Variants in IMPG1 observed in about 807,000 individuals in gnomAD.
The protein encoded by IMPG1 is interphotoreceptor matrix proteoglycan 1.
In IMPG1, 85 loss-of-function variants were observed where a neutral mutation model predicts 92.0. That is an observed-to-expected ratio of 0.92 (90% CI 0.78 to 1.11). The LOEUF is 1.11. IMPG1 is among the 50% of genes least tolerant of loss of function. The pLI, the probability that IMPG1 is intolerant of heterozygous loss-of-function variation, is 0.00. For synonymous variants in IMPG1, 367 were observed against 334.1 expected (o/e 1.10, Z -1.08); for missense variants, 1,022 against 956.0 (o/e 1.07, Z -0.91).
chr6:76,030,286 G>T (rs1323950708), intron 4 of IMPG1, among the ~76,000 whole-genome samples: 4 of 152,008 alleles, frequency 2.6e-5, no homozygotes, highest in African/African-American at 9.7e-5. Context: ...GGGATTCGGG[G>T]ATGCAAGGAT....
At chr6:76,018,002 C>A (rs1273922628) in intron 7 of IMPG1, among the ~76,000 whole-genome samples, 1 of 152,162 alleles carries the variant, frequency 6.6e-6, no homozygotes, top group African/African-American at 2.4e-5. Flanking sequence ...CTCAGCCTCC[C>A]AAAGTGCTAG....
chr6:75,940,635 A>G (rs1781823960), intron 14 of IMPG1, among the ~76,000 whole-genome samples: 1 of 152,202 alleles, frequency 6.6e-6, no homozygotes, highest in Non-Finnish European at 1.5e-5. Context: ...TAGGAAACAA[A>G]AGAAAAAGAA....
Position 75,923,661 on chromosome 6 carries a change from T to G in IMPG1, c.2289A>C (p.Lys763Asn). The change falls in exon 16 of 17, where the codon AAA (lysine) becomes AAC (asparagine). Residue 763 changes from lysine to asparagine, a missense_variant. Physicochemically the swap from Lys to Asn is moderately conservative, Grantham distance 94 (BLOSUM62 0). Transcript: ENST00000369950. ...TGTTATTTTGTTGATTTTGGAACTT[T>G]TTAACACTAGTTTTGTATGCTTGAT... Reference protein sequence around the residue: ...SENQAYKTSVKKFQNQQNNKV... With the variant: ...SENQAYKTSVNKFQNQQNNKV... 6.3e-7 allele frequency: 1 copy of G among 1,591,260 alleles called. No individual in the cohort carries two copies. The highest frequency in any genetic ancestry group is 1.7e-5 in the Admixed American group (1 of 59,362).
In IMPG1 at chr6:75,924,619, TATAATAA is replaced by T. The variant is rs1313159802; in HGVS notation, c.2244-920_2244-914del. On this transcript the variant is annotated intron_variant, in intron 15 of 16. Transcript: ENST00000369950. ...TATATATAATTAATTATATATAATATATAATAAATTATATATTATATATAATTAATTA... is the reference window on the plus strand; with the variant it reads ...TATATATAATTAATTATATATAATATATTATATATTATATATAATTAATTA... 5.2e-4 allele frequency among the ~76,000 whole-genome samples: 21 copies of T among 40,688 alleles called. 3 individuals are homozygous for T. The highest frequency in any genetic ancestry group is 1.0e-3 in the Admixed American group (2 of 1,924). The allele number at this position is 40,688 out of a possible 152,430, so 26.7% of individuals were successfully genotyped here.
chr6:75,942,046 C>T (rs117343397), intron 14 of IMPG1, among the ~76,000 whole-genome samples: 2,459 of 152,162 alleles, frequency 0.016, 29 homozygotes, highest in Non-Finnish European at 0.023. Flanking sequence ...ATGTCTACTA[C>T]GAAGGTGGTC....
intron 12 of IMPG1, among the ~76,000 whole-genome samples, chr6:75,979,858 T>C (rs556470406): frequency 6.6e-6 from 1 of 152,312 alleles, no homozygotes; most frequent in South Asian, 2.1e-4. Context: ...GAAGAGCCAC[T>C]CACCCTGTTA....
intron 1 of IMPG1, among the ~76,000 whole-genome samples, chr6:76,045,716 G>C (rs1783929297): frequency 6.6e-6 from 1 of 152,110 alleles, no homozygotes; most frequent in Admixed American, 6.5e-5. Flanking sequence ...ATAGTTGTTG[G>C]AGCTAATGAA....
chr6:76,023,018 G>A (rs1473023304), intron 5 of IMPG1, among the ~76,000 whole-genome samples: 1 of 152,164 alleles, frequency 6.6e-6, no homozygotes, highest in Non-Finnish European at 1.5e-5. Flanking sequence ...TCCCTGAAGA[G>A]TATGTGGTAC....
intron 12 of IMPG1, among the ~76,000 whole-genome samples, chr6:75,966,453 T>G (rs891497144): frequency 1.3e-5 from 2 of 152,170 alleles, no homozygotes; most frequent in Admixed American, 6.5e-5. Context: ...AGTTTGACCC[T>G]CTCGCTTTCT....
At chr6:75,932,690 C>A (rs1781684690) in intron 14 of IMPG1, among the ~76,000 whole-genome samples, 1 of 152,022 alleles carries the variant, frequency 6.6e-6, no homozygotes, top group South Asian at 2.1e-4. Flanking sequence ...GTAGGCCATA[C>A]CAATATTTGT....
Position 76,047,059 on chromosome 6 carries a change from T to C in IMPG1, c.68-4933A>G, listed in dbSNP as rs568503586. 8.5e-5 allele frequency among the ~76,000 whole-genome samples: 13 copies of C among 152,320 alleles called. No homozygotes were observed. The East Asian group carries it at 2.5e-3, about 29-fold the overall frequency. On this transcript the variant is annotated intron_variant, in intron 1 of 16. Coordinates refer to ENST00000369950, the MANE Select transcript of IMPG1 (RefSeq NM_001563.4). The stretch of plus-strand genomic sequence containing the variant: ...GCACCTCACAAGTTTTCTTAATATG[T>C]CATGGGTTAGATAGAGTGTTTTTGT...
At chr6:75,960,184 C>T (rs1205680727) in intron 12 of IMPG1, among the ~76,000 whole-genome samples, 2 of 152,154 alleles carry the variant, frequency 1.3e-5, no homozygotes, top group Non-Finnish European at 2.9e-5. Context: ...TTCAGCTCAC[C>T]CTCCGTGGGC....
chr6:76,060,711 T>C (rs1784191193), intron 1 of IMPG1, among the ~76,000 whole-genome samples: 1 of 152,128 alleles, frequency 6.6e-6, no homozygotes, highest in Non-Finnish European at 1.5e-5. Flanking sequence ...GCAAATTGCT[T>C]TGTGTTTTTC....
intron 12 of IMPG1, among the ~76,000 whole-genome samples, chr6:75,974,034 A>G (rs972779819): frequency 4.6e-5 from 7 of 152,208 alleles, no homozygotes; most frequent in African/African-American, 1.7e-4. Flanking sequence ...TAGAAATCAA[A>G]CATGTGAATG....
chr6:75,966,475 C>T (rs1450305826), intron 12 of IMPG1, among the ~76,000 whole-genome samples: 4 of 152,132 alleles, frequency 2.6e-5, no homozygotes, highest in Admixed American at 2.0e-4. Flanking sequence ...GCTCTCACCC[C>T]CTCCTGCTCT....
chr6:76,030,136 G>A (rs1783629150), intron 4 of IMPG1, among the ~76,000 whole-genome samples: 1 of 152,154 alleles, frequency 6.6e-6, no homozygotes. Flanking sequence ...TATAAATGAG[G>A]TCTAGGGAAT....
chr6:75,960,400 A>T (rs1326159), intron 12 of IMPG1, among the ~76,000 whole-genome samples: 52,270 of 152,110 alleles, frequency 0.34, 9,184 homozygotes, highest in East Asian at 0.54. Context: ...AACCAAGTTA[A>T]TTCATTAAAG....
chr6:76,020,141 C>A (rs1036754468), intron 6 of IMPG1, among the ~76,000 whole-genome samples: 1 of 152,164 alleles, frequency 6.6e-6, no homozygotes, highest in Non-Finnish European at 1.5e-5. Context: ...CAGCCTCAAC[C>A]TCCCGGGCTC....
chr6:75,924,749 A>ATATATT (rs1293067437), intron 15 of IMPG1, among the ~76,000 whole-genome samples: 1 of 32,330 alleles, frequency 3.1e-5, no homozygotes, highest in African/African-American at 1.1e-4. Context: ...TATAATATAT[A>ATATATT]ATATATCATA....
Sources: gnomAD v4.1 joint callset for allele counts (sites outside exome capture counted in the v4.1 genomes callset) on GRCh38, gnomAD v4.1.1 for gene constraint, MANE v1.5 for transcripts, NCBI Gene and HGNC (gene_info 2026-07-23, HGNC 2026-07-21) for gene names.